The following TRADD variants were observed in gnomAD, a reference collection of about 807,000 sequenced individuals.
The protein encoded by TRADD is TNFRSF1A associated via death domain.
In TRADD, 14 loss-of-function variants were observed where a neutral mutation model predicts 31.5. The ratio of observed to expected loss-of-function variants is 0.44; its 90% CI spans 0.29 to 0.69. The LOEUF is 0.69. Among genes scored for constraint, TRADD ranks in the 30% least tolerant of loss-of-function variants. TRADD has a pLI of 0.11. For missense variants in TRADD, 388 were observed against 435.7 expected, an observed-to-expected ratio of 0.89 and a Z score of 0.97; for synonymous variants, 220 against 215.8, an observed-to-expected ratio of 1.02 and a Z score of -0.17.
In TRADD at chr16:67,154,605, C is replaced by T; in HGVS notation, c.*44G>A. 6.3e-7 allele frequency: 1 copy of T among 1,596,266 alleles called. No individual in the cohort carries two copies. Among genetic ancestry groups the T allele is most frequent in the Non-Finnish European group, 8.5e-7 (1 of 1,173,178 alleles). On this transcript the variant is annotated 3_prime_UTR_variant, in exon 5 of 5. Transcript: ENST00000345057. The surrounding 1 kb of genome is among the most constrained non-coding windows in gnomAD (Gnocchi z 5.2). ...GTTCAGCAATAGCCGCAGAAGGAAC[C>T]CTAAGGCCATCCAGGTTCTCCAAAA...
chr16:67,156,756 C>T lies in TRADD; in HGVS notation c.-8-88G>A. The T allele has an allele frequency of 1.3e-6, 2 of 1,552,522 alleles. No homozygotes were observed. The highest frequency in any genetic ancestry group is 1.8e-6 in the Non-Finnish European group (2 of 1,134,506). ...CCCAGCCCCACGTGGTTCAGCTGTCCCCACCACAGTAGCCTCAAGTCCCAC... is the reference window on the plus strand; with the variant it reads ...CCCAGCCCCACGTGGTTCAGCTGTCTCCACCACAGTAGCCTCAAGTCCCAC... On this transcript the variant is annotated intron_variant, in intron 1 of 4. Transcript: ENST00000345057. The surrounding 1 kb of genome is among the most constrained non-coding windows in gnomAD (Gnocchi z 4.6).
rs569040475 is a variant in TRADD, at chr16:67,154,628, A to G, written c.*21T>C. The G allele has an allele frequency of 1.9e-6, 3 of 1,609,800 alleles. No homozygotes were observed. Reference sequence around the variant, plus strand: ...ACCCTAAGGCCATCCAGGTTCTCCAAAAGCTGGCTGCACCCCTGGTCTAGG... The same window carrying G: ...ACCCTAAGGCCATCCAGGTTCTCCAGAAGCTGGCTGCACCCCTGGTCTAGG... On this transcript the variant is annotated 3_prime_UTR_variant, in exon 5 of 5. Transcript: ENST00000345057. This position sits in a 1 kb window ranked among gnomAD's most constrained non-coding sequence, Gnocchi z 5.2.
intron 1 of TRADD, among the ~76,000 whole-genome samples, chr16:67,157,070 G>C (rs549637093): frequency 6.6e-6 from 1 of 152,316 alleles, no homozygotes; most frequent in African/African-American, 2.4e-5. Context: ...ATGCCCCAAA[G>C]CCAACCAGAC....
At chr16:67,158,989 C>T (rs1486277294) in intron 1 of TRADD, among the ~76,000 whole-genome samples, 1 of 152,128 alleles carries the variant, frequency 6.6e-6, no homozygotes, top group Non-Finnish European at 1.5e-5. Context: ...GTGGGGAGTA[C>T]TGGGAACCTG....
In TRADD at chr16:67,155,222, C is replaced by A. The variant is rs1337240728; in HGVS notation, c.502G>T (p.Ala168Ser). 1 of 1,599,472 alleles carries A rather than the reference C, an allele frequency of 6.3e-7. No individual in the cohort carries two copies. The highest frequency in any genetic ancestry group is 8.5e-7 in the Non-Finnish European group (1 of 1,174,552). Residue 168 changes from alanine (A) to serine (S), a missense_variant, in exon 4 of 5, where the codon GCC (alanine) becomes TCC (serine). Ala to Ser is a moderately conservative substitution (Grantham distance 99, BLOSUM62 1). Transcript: ENST00000345057. ...ALRNLKCGSG[A>S]RGGDGEVASA... ...GCGACCTCCCCGTCGCCACCCCGGG[C>A]CCCCGAGCCGCACTTCAGATTTCGC...
chr16:67,155,262 C>G lies in TRADD; in HGVS notation c.462G>C (p.Glu154Asp). ...PDRLRDEELA[E>D]LEDALRNLKC... ...TCAGATTTCGCAGCGCATCCTCCAG[C>G]TCAGCCAGTTCTTCATCCCGGAGCC... Residue 154 changes from glutamate (E) to aspartate (D), a missense_variant, in exon 4 of 5, where the codon GAG becomes GAC. Glu to Asp is a conservative substitution (Grantham distance 45). Transcript: ENST00000345057. 6.2e-7 allele frequency: 1 copy of G among 1,610,070 alleles called. No homozygotes were observed. Among genetic ancestry groups the G allele is most frequent in the Non-Finnish European group, 8.5e-7 (1 of 1,179,058 alleles).
rs2030576819 is a variant in TRADD, at chr16:67,154,471, C to T, written c.*178G>A. The T allele has an allele frequency of 5.3e-6, 4 of 747,870 alleles. No homozygotes were observed. The highest frequency in any genetic ancestry group is 1.7e-5 in the South Asian group (1 of 58,024). The allele number at this position is 747,870 out of a possible 1,614,324, so 46.3% of individuals were successfully genotyped here. ...ATCAAAGTACCTGAGGCAGAATCCCCAATGATGCACCCCCAGTGGTCTGGC... is the reference window on the plus strand; with the variant it reads ...ATCAAAGTACCTGAGGCAGAATCCCTAATGATGCACCCCCAGTGGTCTGGC... On this transcript the variant is annotated 3_prime_UTR_variant, in exon 5 of 5. Coordinates refer to ENST00000345057, the MANE Select transcript of TRADD (RefSeq NM_003789.4). This position sits in a 1 kb window ranked among gnomAD's most constrained non-coding sequence, Gnocchi z 5.2.
At position 67,156,704 on chromosome 16, in the gene TRADD, C is replaced by T; in HGVS notation, c.-8-36G>A. ...AGACAGTCAGGTATCCAGTTCATCC[C>T]CCCTCCCTCCACCCTGGAGACAACT... On this transcript the variant is annotated intron_variant, in intron 1 of 4. Transcript: ENST00000345057. This position sits in a 1 kb window ranked among gnomAD's most constrained non-coding sequence, Gnocchi z 4.6. 2 of 1,611,268 alleles carry T rather than the reference C, an allele frequency of 1.2e-6. No homozygotes were observed. The highest frequency in any genetic ancestry group is 8.5e-7 in the Non-Finnish European group (1 of 1,179,984).
chr16:67,156,814 A>G lies in TRADD; in HGVS notation c.-8-146T>C. On this transcript the variant is annotated intron_variant, in intron 1 of 4. Coordinates refer to ENST00000345057, the MANE Select transcript of TRADD (RefSeq NM_003789.4). This position sits in a 1 kb window ranked among gnomAD's most constrained non-coding sequence, Gnocchi z 4.6. ...AGTTGTCCCCACCACTGGTTGGCAT[A>G]CTTGGGACAGGAGTTCACCATCTCA... is the stretch of plus-strand genomic sequence containing the variant. The G allele has an allele frequency of 8.9e-7, 1 of 1,124,082 alleles. No individual in the cohort carries two copies. Among genetic ancestry groups the G allele is most frequent in the Non-Finnish European group, 1.3e-6 (1 of 752,188 alleles). The allele number at this position is 1,124,082 out of a possible 1,614,324, so 69.6% of individuals were successfully genotyped here.
Position 67,156,807 on chromosome 16 carries a change from T to C in TRADD, c.-8-139A>G, listed in dbSNP as rs1292037498. The C allele has an allele frequency of 4.3e-6, 5 of 1,159,508 alleles. No homozygotes were observed. The African/African-American group carries it at 4.5e-5, about 10-fold the overall frequency. 71.8% of individuals were successfully genotyped at this position (1,159,508 alleles called of 1,614,324 possible). A position where few individuals can be genotyped will look rare whatever the true frequency, so the allele number is the denominator to read the frequency against. On this transcript the variant is annotated intron_variant, in intron 1 of 4. Transcript: ENST00000345057. The surrounding 1 kb of genome is among the most constrained non-coding windows in gnomAD (Gnocchi z 4.6). ...ATGGTTCAGTTGTCCCCACCACTGGTTGGCATACTTGGGACAGGAGTTCAC... is the reference window on the plus strand; with the variant it reads ...ATGGTTCAGTTGTCCCCACCACTGGCTGGCATACTTGGGACAGGAGTTCAC...
intron 1 of TRADD, among the ~76,000 whole-genome samples, chr16:67,157,910 C>A (rs1465391295): frequency 1.3e-5 from 2 of 152,202 alleles, no homozygotes; most frequent in South Asian, 2.1e-4. Flanking sequence ...CCACCTCACC[C>A]TTTTCCTACC....
chr16:67,155,749 G>T, intron 2 of TRADD, 95 bp from the exon 3 acceptor site: 1 of 1,476,910 alleles, frequency 6.8e-7, no homozygotes, highest in Non-Finnish European at 8.9e-7. Context: ...GAAGCCCCGC[G>T]TCCCATCCCC....
At position 67,156,746 on chromosome 16, in the gene TRADD, T is replaced by C. The variant is rs2030715361; in HGVS notation, c.-8-78A>G. On this transcript the variant is annotated intron_variant, in intron 1 of 4. Coordinates refer to ENST00000345057, the MANE Select transcript of TRADD (RefSeq NM_003789.4). This position sits in a 1 kb window ranked among gnomAD's most constrained non-coding sequence, Gnocchi z 4.6. Reference sequence around the variant, plus strand: ...GAGACAACTACCCAGCCCCACGTGGTTCAGCTGTCCCCACCACAGTAGCCT... The same window carrying C: ...GAGACAACTACCCAGCCCCACGTGGCTCAGCTGTCCCCACCACAGTAGCCT... 1.3e-6 allele frequency: 2 copies of C among 1,581,316 alleles called. No individual in the cohort carries two copies. The highest frequency in any genetic ancestry group is 3.3e-5 in the Admixed American group (2 of 59,962).
chr16:67,155,909 A>G, intron 2 of TRADD: 1 of 1,499,904 alleles, frequency 6.7e-7, no homozygotes, highest in Non-Finnish European at 8.9e-7. Context: ...CACGCCCCAA[A>G]TGAGGGTTGG....
chr16:67,154,981 G>T lies in TRADD; in HGVS notation c.629-22C>A, dbSNP rs1230041611. On this transcript the variant is annotated intron_variant, in intron 4 of 4. Coordinates refer to ENST00000345057, the MANE Select transcript of TRADD (RefSeq NM_003789.4). The surrounding 1 kb of genome is among the most constrained non-coding windows in gnomAD (Gnocchi z 5.2). ...TTCACTGCAGAGGGAGTGGGGAAAC[G>T]GGGTGAGGGCGGGGACCCCCAGCGC... The T allele has an allele frequency of 1.2e-6, 2 of 1,604,172 alleles. No homozygotes were observed. The highest frequency in any genetic ancestry group is 2.3e-5 in the East Asian group (1 of 44,286).
At position 67,155,077 on chromosome 16, in the gene TRADD, C is replaced by G; in HGVS notation, c.628+19G>C. ...GACTCCAACCTCCTGGTGACCCCGC[C>G]TCTCCACCTGCGCCTCACCTACAGG... On this transcript the variant is annotated intron_variant, in intron 4 of 4. Coordinates refer to ENST00000345057, the MANE Select transcript of TRADD (RefSeq NM_003789.4). 1 of 1,545,224 alleles carries G rather than the reference C, an allele frequency of 6.5e-7. No individual in the cohort carries two copies. Among genetic ancestry groups the G allele is most frequent in the South Asian group, 1.2e-5 (1 of 84,242 alleles).
intron 2 of TRADD, 165 bp from the exon 3 acceptor site, chr16:67,155,819 A>G: frequency 1.4e-6 from 2 of 1,469,746 alleles, no homozygotes; most frequent in Non-Finnish European, 1.8e-6. Flanking sequence ...GGATACAAAC[A>G]GCAATAACCC....
At chr16:67,155,015 C>T in intron 4 of TRADD, 56 bp from the exon 5 acceptor site, 1 of 1,561,296 alleles carries the variant, frequency 6.4e-7, no homozygotes, top group Non-Finnish European at 8.7e-7. Flanking sequence ...GCCGGTCCCA[C>T]CCATCCCCAC....
intron 1 of TRADD, among the ~76,000 whole-genome samples, chr16:67,158,986 G>A (rs998457450): frequency 1.3e-5 from 2 of 152,210 alleles, no homozygotes; most frequent in African/African-American, 2.4e-5. Context: ...GAGGTGGGGA[G>A]TACTGGGAAC....
Sources: gnomAD v4.1 joint callset for allele counts (sites outside exome capture counted in the v4.1 genomes callset) on GRCh38, gnomAD v4.1.1 for gene constraint, Gnocchi (gnomAD v3.1) non-coding constraint, MANE v1.5 for transcripts, NCBI Gene and HGNC (gene_info 2026-07-23, HGNC 2026-07-21) for gene names.